SEL1L2: variants seen among roughly 807,000 people sequenced by gnomAD.
The protein encoded by SEL1L2 is SEL1L2 adaptor subunit of SYVN1 ubiquitin ligase.
SEL1L2 carries 89 observed loss-of-function variants against 98.8 expected under a neutral mutation model. That is an observed-to-expected ratio of 0.90 (90% CI 0.76 to 1.07). The LOEUF (loss-of-function observed/expected upper bound fraction) is 1.07. Among genes scored for constraint, SEL1L2 ranks in the 50% least tolerant of loss-of-function variants. The pLI, the probability that SEL1L2 is intolerant of heterozygous loss-of-function variation, is 0.00. For synonymous variants in SEL1L2, 262 were observed against 278.5 expected (o/e 0.94, Z 0.59); for missense variants, 788 against 812.0 (o/e 0.97, Z 0.36).
upstream of SEL1L2, among the ~76,000 whole-genome samples, chr20:13,994,777 T>G (rs2052602694): frequency 6.6e-6 from 1 of 152,210 alleles, no homozygotes; most frequent in African/African-American, 2.4e-5. Flanking sequence ...GCATCTGGAT[T>G]TGTTTTGACG....
At chr20:13,979,192 A>G (rs1463069917) in intron 1 of SEL1L2, among the ~76,000 whole-genome samples, 2 of 152,250 alleles carry the variant, frequency 1.3e-5, no homozygotes, top group African/African-American at 4.8e-5. Flanking sequence ...TCATATGTGG[A>G]AGCTGAAAGA....
intron 3 of SEL1L2, among the ~76,000 whole-genome samples, chr20:13,922,186 C>G (rs908778158): frequency 1.4e-4 from 21 of 152,232 alleles, no homozygotes; most frequent in African/African-American, 5.1e-4. Flanking sequence ...AACACAATCC[C>G]TGTTATTTCA....
At chr20:13,861,946 C>T (rs968315527) in intron 17 of SEL1L2, among the ~76,000 whole-genome samples, 4 of 152,178 alleles carry the variant, frequency 2.6e-5, no homozygotes, top group African/African-American at 2.4e-5. Flanking sequence ...GCTCCTCAGC[C>T]CCCACCCCAG....
rs2046494610 is a variant in SEL1L2, at chr20:13,877,602, G to T, written c.958-14C>A. Reference sequence around the variant, plus strand: ...GTGTAATGCTTTCTGGAGAGAAAAGGAACAGTGTTATTGCTAGTCACAAAA... The same window carrying T: ...GTGTAATGCTTTCTGGAGAGAAAAGTAACAGTGTTATTGCTAGTCACAAAA... On this transcript the variant is annotated splice_polypyrimidine_tract_variant and intron_variant, in intron 10 of 19. Transcript: ENST00000284951. 1.7e-5 allele frequency: 28 copies of T among 1,606,672 alleles called. No homozygotes were observed. The highest frequency in any genetic ancestry group is 2.3e-5 in the Non-Finnish European group (27 of 1,173,898).
intron 1 of SEL1L2, among the ~76,000 whole-genome samples, chr20:13,959,197 T>C (rs2050676189): frequency 2.0e-5 from 3 of 152,204 alleles, no homozygotes; most frequent in African/African-American, 7.2e-5. Context: ...GTGTCCTCTT[T>C]TCTTAACAAC....
intron 18 of SEL1L2, among the ~76,000 whole-genome samples, chr20:13,858,883 C>G (rs1459634949): frequency 6.6e-6 from 1 of 152,130 alleles, no homozygotes; most frequent in Non-Finnish European, 1.5e-5. Flanking sequence ...TTCACTTTCT[C>G]CTTGTTCCTG....
chr20:13,896,427 T>C (rs1269346764), intron 5 of SEL1L2, among the ~76,000 whole-genome samples: 1 of 150,584 alleles, frequency 6.6e-6, no homozygotes, highest in Non-Finnish European at 1.5e-5. Context: ...CTGAGATCAC[T>C]CCATTGCACT....
intron 1 of SEL1L2, among the ~76,000 whole-genome samples, chr20:13,973,612 T>C (rs781220523): frequency 3.9e-5 from 6 of 152,246 alleles, no homozygotes; most frequent in Non-Finnish European, 5.9e-5. Flanking sequence ...CCTATGTCTC[T>C]GGCACAAATG....
intron 1 of SEL1L2, among the ~76,000 whole-genome samples, chr20:13,977,582 C>G (rs183133892): frequency 6.6e-6 from 1 of 151,998 alleles, no homozygotes; most frequent in African/African-American, 2.4e-5. Flanking sequence ...ACTTATGAAC[C>G]CTTATGTGCA....
chr20:13,898,243 C>T (rs1568926073), intron 5 of SEL1L2, among the ~76,000 whole-genome samples: 1 of 152,178 alleles, frequency 6.6e-6, no homozygotes, highest in East Asian at 1.9e-4. Flanking sequence ...GCAGTCCTAA[C>T]CCCTGTCCTG....
intron 5 of SEL1L2, among the ~76,000 whole-genome samples, chr20:13,899,510 G>A (rs1430256725): frequency 6.6e-6 from 1 of 152,166 alleles, no homozygotes; most frequent in Non-Finnish European, 1.5e-5. Context: ...CTGCACTGGA[G>A]GTAACAGAAA....
At chr20:13,961,364 C>A (rs1034572147) in intron 1 of SEL1L2, among the ~76,000 whole-genome samples, 3 of 152,154 alleles carry the variant, frequency 2.0e-5, no homozygotes, top group African/African-American at 7.2e-5. Flanking sequence ...ATCCTATGCA[C>A]ACTACAGCTT....
At chr20:13,930,068 G>A (rs2049075072) in intron 3 of SEL1L2, among the ~76,000 whole-genome samples, 1 of 152,222 alleles carries the variant, frequency 6.6e-6, no homozygotes, top group South Asian at 2.1e-4. Flanking sequence ...TTGGATGACA[G>A]GCATAGGCAA....
At chr20:13,971,791 C>A (rs2051296968) in intron 1 of SEL1L2, among the ~76,000 whole-genome samples, 1 of 152,104 alleles carries the variant, frequency 6.6e-6, no homozygotes, top group African/African-American at 2.4e-5. Flanking sequence ...GAAGTGGGAT[C>A]TACCATTTTG....
chr20:13,865,525 G>A lies in SEL1L2; in HGVS notation c.1405-11C>T. On this transcript the variant is annotated splice_polypyrimidine_tract_variant and intron_variant, in intron 15 of 19. Coordinates refer to ENST00000284951, the MANE Select transcript of SEL1L2 (RefSeq NM_025229.2). Reference sequence around the variant, plus strand: ...GACACCTTTATAAAGCTGTACATGAGAGGAGAAATCAAGGAGACTAGTTAG... The same window carrying A: ...GACACCTTTATAAAGCTGTACATGAAAGGAGAAATCAAGGAGACTAGTTAG... 6.2e-7 allele frequency: 1 copy of A among 1,607,344 alleles called. No homozygotes were observed. Among genetic ancestry groups the A allele is most frequent in the African/African-American group, 1.3e-5 (1 of 74,642 alleles).
chr20:13,973,653 T>C (rs2051388622), intron 1 of SEL1L2, among the ~76,000 whole-genome samples: 1 of 152,168 alleles, frequency 6.6e-6, no homozygotes, highest in South Asian at 2.1e-4. Context: ...CTAATGGCGA[T>C]TTGTCTCTTT....
chr20:13,875,077 A>G (rs1179068203), intron 12 of SEL1L2, among the ~76,000 whole-genome samples: 1 of 152,136 alleles, frequency 6.6e-6, no homozygotes, highest in Non-Finnish European at 1.5e-5. Context: ...TACCATTTCG[A>G]TCGTCCCTCA....
chr20:13,953,637 C>A (rs2050379640), intron 2 of SEL1L2, among the ~76,000 whole-genome samples: 1 of 152,166 alleles, frequency 6.6e-6, no homozygotes, highest in Admixed American at 6.5e-5. Context: ...TCTGGATTCT[C>A]CTATTCCGGG....
At chr20:13,863,374 C>T (rs907810210) in intron 17 of SEL1L2, among the ~76,000 whole-genome samples, 2 of 152,148 alleles carry the variant, frequency 1.3e-5, no homozygotes, top group Non-Finnish European at 2.9e-5. Context: ...GGCTGACTGG[C>T]AGCATGTGGT....
Sources: allele counts gnomAD v4.1 joint callset (sites outside exome capture counted in the v4.1 genomes callset), GRCh38; gene constraint gnomAD v4.1.1; transcripts MANE v1.5; gene names NCBI Gene and HGNC (gene_info 2026-07-23, HGNC 2026-07-21).